The following PDE8B variants were observed in gnomAD, a reference collection of about 807,000 sequenced individuals.
PDE8B encodes high affinity cAMP-specific and IBMX-insensitive 3',5'-cyclic phosphodiesterase 8B.
Under a neutral mutation model 101.3 loss-of-function variants are expected in PDE8B, and 26 were observed. The observed-to-expected ratio is 0.26, with a 90% CI of 0.19 to 0.36. PDE8B has a LOEUF of 0.36. Ranked by LOEUF, PDE8B falls within the 10% of genes least tolerant of loss-of-function variation. The pLI, the probability that PDE8B is intolerant of heterozygous loss-of-function variation, is 1.00. For missense variants in PDE8B, 810 were observed against 1,163.1 expected (o/e 0.70, Z 4.42); for synonymous variants, 424 against 429.3 (o/e 0.99, Z 0.15).
At chr5:77,391,991 A>G (rs1790046000) in intron 10 of PDE8B, among the ~76,000 whole-genome samples, 1 of 152,208 alleles carries the variant, frequency 6.6e-6, no homozygotes, top group Admixed American at 6.5e-5. Flanking sequence ...TGTATAGCAA[A>G]TGGTCTTTAT....
chr5:77,307,442 G>C (rs139213883), intron 1 of PDE8B, among the ~76,000 whole-genome samples: 1 of 152,114 alleles, frequency 6.6e-6, no homozygotes, highest in African/African-American at 2.4e-5. Context: ...AGTGATAGAC[G>C]TTTACAGATC....
chr5:77,375,915 G>T (rs1343823578), intron 10 of PDE8B, among the ~76,000 whole-genome samples: 1 of 81,158 alleles, frequency 1.2e-5, no homozygotes, highest in African/African-American at 5.0e-5. Flanking sequence ...TTTTTGAGGC[G>T]GAGTTTTGCC....
chr5:77,112,608 A>G, the PDE8B span: 1 of 152,214 alleles, frequency 6.6e-6, no homozygotes, highest in Non-Finnish European at 1.5e-5. Context: ...CTTTGAAAAC[A>G]AGACAAGGAT....
chr5:77,264,635 T>C (rs1482699893), intron 1 of PDE8B, among the ~76,000 whole-genome samples: 1 of 152,102 alleles, frequency 6.6e-6, no homozygotes, highest in Non-Finnish European at 1.5e-5. Flanking sequence ...TGCCAGTAAG[T>C]AGTGGTTGTT....
At chr5:77,271,772 A>G (rs1029214013) in intron 1 of PDE8B, among the ~76,000 whole-genome samples, 12 of 152,164 alleles carry the variant, frequency 7.9e-5, no homozygotes, top group African/African-American at 2.7e-4. Flanking sequence ...AGTTGACTAG[A>G]TGCTGGATAG....
the PDE8B span, chr5:77,141,577 G>A: frequency 6.6e-6 from 1 of 152,172 alleles, no homozygotes; most frequent in African/African-American, 2.4e-5. Context: ...TGTTGTTCTG[G>A]AATTTAAAGA....
At chr5:77,096,189 T>C in the PDE8B span, among the ~76,000 whole-genome samples, 5 of 152,098 alleles carry the variant, frequency 3.3e-5, no homozygotes, top group African/African-American at 1.2e-4. Context: ...AGGGTTTTGC[T>C]TTGTTGGCAG....
the PDE8B span, chr5:77,140,332 A>G: frequency 1.3e-5 from 2 of 152,126 alleles, no homozygotes; most frequent in Non-Finnish European, 2.9e-5. Flanking sequence ...CAGATTTTGC[A>G]AAGTGCTCAA....
chr5:77,411,319 G>A (rs1794519453), intron 14 of PDE8B, among the ~76,000 whole-genome samples: 1 of 152,140 alleles, frequency 6.6e-6, no homozygotes, highest in Non-Finnish European at 1.5e-5. Context: ...CTGAGGGTGA[G>A]GGGGATCCCG....
At chr5:77,372,633 A>G (rs937036560) in intron 10 of PDE8B, among the ~76,000 whole-genome samples, 5 of 152,200 alleles carry the variant, frequency 3.3e-5, no homozygotes, top group Non-Finnish European at 7.3e-5. Context: ...TTCTGTTTTT[A>G]TGTCCATACA....
intron 10 of PDE8B, among the ~76,000 whole-genome samples, chr5:77,387,135 G>C (rs1234132947): frequency 6.6e-6 from 1 of 151,692 alleles, no homozygotes; most frequent in Non-Finnish European, 1.5e-5. Flanking sequence ...CACCCGCCTC[G>C]GCCGATGTAG....
chr5:77,407,800 G>A (rs1344531415), intron 13 of PDE8B, among the ~76,000 whole-genome samples: 1 of 152,178 alleles, frequency 6.6e-6, no homozygotes, highest in Non-Finnish European at 1.5e-5. Context: ...AACAGCCAGG[G>A]AAAAAGCATT....
chr5:77,360,809 T>G (rs147503266), intron 10 of PDE8B, among the ~76,000 whole-genome samples: 430 of 152,272 alleles, frequency 2.8e-3, no homozygotes, highest in Non-Finnish European at 4.0e-3. Flanking sequence ...AACTCTTGAC[T>G]CCATGCCCAC....
chr5:77,140,941 T>C, the PDE8B span: 3 of 152,196 alleles, frequency 2.0e-5, no homozygotes, highest in Admixed American at 2.0e-4. Context: ...TGTATGTGTG[T>C]GTGTACATAT....
At chr5:77,184,952 C>A in the PDE8B span, among the ~76,000 whole-genome samples, 1 of 152,182 alleles carries the variant, frequency 6.6e-6, no homozygotes. Context: ...CTCAGGGCAC[C>A]AGGCTATCAG....
chr5:77,418,308 A>G lies in PDE8B; in HGVS notation c.1991A>G (p.Asn664Ser). 1 of 1,613,548 alleles carries G rather than the reference A, an allele frequency of 6.2e-7. No homozygotes were observed. Among genetic ancestry groups the G allele is most frequent in the Non-Finnish European group, 8.5e-7 (1 of 1,179,636 alleles). ...VHDVDHPGRTNSFLCNAGSEL... is the reference protein window; with the variant it reads ...VHDVDHPGRTSSFLCNAGSEL... ...GACGTGGATCACCCGGGAAGGACCAACTCTTTCCTCTGCAATGCAGGCAGT... is the reference window on the plus strand; with the variant it reads ...GACGTGGATCACCCGGGAAGGACCAGCTCTTTCCTCTGCAATGCAGGCAGT... The change falls in exon 18 of 22, where the codon AAC (asparagine) becomes AGC (serine). Residue 664 changes from asparagine (N) to serine (S), a missense_variant. Asn to Ser is a conservative substitution (Grantham distance 46). This residue lies in a region of PDE8B where 325 missense variants were observed against 560.9 expected (regional missense o/e 0.58). Coordinates refer to ENST00000264917, the MANE Select transcript of PDE8B (RefSeq NM_003719.5).
chr5:77,239,612 A>C (rs1310288976), intron 1 of PDE8B, among the ~76,000 whole-genome samples: 1 of 152,248 alleles, frequency 6.6e-6, no homozygotes, highest in African/African-American at 2.4e-5. Flanking sequence ...TTTAGTGTGG[A>C]AAATAACATC....
At chr5:77,165,973 C>CT in the PDE8B span, among the ~76,000 whole-genome samples, 11 of 110,506 alleles carry the variant, frequency 1.0e-4, no homozygotes, top group Non-Finnish European at 1.4e-4. Context: ...GTGAGACTGC[C>CT]TCAAAAAAAA....
intron 1 of PDE8B, among the ~76,000 whole-genome samples, chr5:77,304,249 A>G (rs1770653402): frequency 6.6e-6 from 1 of 152,182 alleles, no homozygotes. Flanking sequence ...TGGATGTAAG[A>G]TAGTATCTCA....
Sources: allele counts gnomAD v4.1 joint callset (sites outside exome capture counted in the v4.1 genomes callset), GRCh38; gene constraint gnomAD v4.1.1; regional missense constraint gnomAD v4.1.1; transcripts MANE v1.5; gene names NCBI Gene and HGNC (gene_info 2026-07-23, HGNC 2026-07-21).